NXF3: variants seen among roughly 807,000 people sequenced by gnomAD.
NXF3 encodes TAP-like protein 3.
Under a neutral mutation model 48.4 loss-of-function variants are expected in NXF3, and 34 were observed. The observed-to-expected ratio is 0.70, with a 90% CI of 0.53 to 0.93. The LOEUF is 0.93. NXF3 is among the 40% of genes least tolerant of loss of function. The pLI is 0.00. For missense variants in NXF3, 359 were observed against 406.1 expected, an observed-to-expected ratio of 0.88 and a Z score of 1.00; for synonymous variants, 132 against 145.7, an observed-to-expected ratio of 0.91 and a Z score of 0.68.
intron 1 of NXF3, among the ~76,000 whole-genome samples, chrX:103,090,262 G>A (rs1240864592): frequency 4.5e-5 from 5 of 111,696 alleles, no homozygotes. Context: ...GCAATGACTA[G>A]GTCTAGTTTT....
rs1243843841 is a variant in NXF3 at position 103,088,152 on chromosome X, A to G, written c.29-3269T>C. On this transcript the variant is annotated intron_variant, in intron 1 of 19. Transcript: ENST00000395065. ...GTGTTTTCCTGCTAGAGGTGGCAAA[A>G]TTCCAAGCAGGTTCAAAAGAAGCTA... is the stretch of plus-strand genomic sequence containing the variant. 3 of 1,023,263 alleles carry G rather than the reference A, an allele frequency of 2.9e-6. No homozygotes were observed. The African/African-American group carries it at 5.6e-5, about 19-fold the overall frequency. 84.3% of individuals were successfully genotyped at this position (1,023,263 alleles called of 1,213,427 possible).
chrX:103,079,185 T>G (rs1921945123), intron 16 of NXF3, 36 bp downstream of exon 16: 1 of 1,177,850 alleles, frequency 8.5e-7, no homozygotes, highest in African/African-American at 1.8e-5. Context: ...GAGGGAGGAG[T>G]GGGGGATCTG....
chrX:103,088,876 C>T, intron 1 of NXF3: 1 of 1,187,887 alleles, frequency 8.4e-7, no homozygotes, highest in Admixed American at 2.2e-5. Context: ...TATAATGATT[C>T]CCAACAATGT....
At chrX:103,088,465 T>C in intron 1 of NXF3, 2 of 895,449 alleles carry the variant, frequency 2.2e-6, no homozygotes, top group Non-Finnish European at 3.2e-6. Flanking sequence ...AAATGAAAGG[T>C]ATCCTTACTA....
Position 103,076,311 on chromosome X carries a change from AG to A in NXF3, c.1585-11del, listed in dbSNP as rs1464849223. 2.5e-6 allele frequency: 3 copies of A among 1,208,373 alleles called. No homozygotes were observed. The African/African-American group carries it at 5.3e-5, about 21-fold the overall frequency. ...GTTGTTACGAAGGCAGCTGTGGTGG[AG>A]GAAGGACAGGTAACATCCATTAGGA... On this transcript the variant is annotated splice_polypyrimidine_tract_variant and intron_variant, in intron 18 of 19. Transcript: ENST00000395065.
At chrX:103,084,269 T>C in intron 3 of NXF3, 73 bp downstream of exon 3, 2 of 1,121,921 alleles carry the variant, frequency 1.8e-6, no homozygotes, top group Non-Finnish European at 2.4e-6. Flanking sequence ...AAGTATCTAG[T>C]GTCCACACAA....
chrX:103,076,365 A>G, intron 18 of NXF3, 64 bp from the exon 19 acceptor site: 1 of 1,075,789 alleles, frequency 9.3e-7, no homozygotes, highest in South Asian at 1.9e-5. Context: ...TGACAATACA[A>G]TGCCATTTCT....
At chrX:103,089,720 G>T (rs952953755) in intron 1 of NXF3, among the ~76,000 whole-genome samples, 1 of 111,787 alleles carries the variant, frequency 8.9e-6, no homozygotes, top group Non-Finnish European at 1.9e-5. Context: ...CATTTCATAT[G>T]AAAGCATAAT....
chrX:103,082,217 G>T, intron 9 of NXF3, 38 bp downstream of exon 9: 1 of 987,065 alleles, frequency 1.0e-6, no homozygotes, highest in Non-Finnish European at 1.4e-6. Flanking sequence ...ATCAAACACA[G>T]GTCAGGGTCC....
intron 1 of NXF3, chrX:103,088,092 T>A: frequency 1.1e-6 from 1 of 922,734 alleles, no homozygotes; most frequent in Admixed American, 2.4e-5. Context: ...AGTGTGAAAA[T>A]GTTTTGAATC....
intron 1 of NXF3, chrX:103,087,667 T>A (rs1922186270): frequency 9.9e-7 from 1 of 1,006,624 alleles, no homozygotes; most frequent in East Asian, 3.1e-5. Flanking sequence ...GAAGAAAGAA[T>A]ATTCATGCAT....
At position 103,084,886 on chromosome X, in the gene NXF3, T is replaced by C; in HGVS notation, c.29-3A>G. On this transcript the variant is annotated splice_polypyrimidine_tract_variant and splice_region_variant and intron_variant, in intron 1 of 19. Coordinates refer to ENST00000395065, the MANE Select transcript of NXF3 (RefSeq NM_022052.2). ...TTGAACAACTTGATCAGTGTGACCT[T>C]AAATTAAGAACAGCACATCAACACT... is the stretch of plus-strand genomic sequence containing the variant. The C allele has an allele frequency of 1.7e-6, 2 of 1,205,222 alleles. No individual in the cohort carries two copies. Among genetic ancestry groups the C allele is most frequent in the Non-Finnish European group, 2.2e-6 (2 of 889,966 alleles).
intron 1 of NXF3, among the ~76,000 whole-genome samples, chrX:103,091,337 C>T (rs1002586876): frequency 8.9e-6 from 1 of 111,936 alleles, no homozygotes; most frequent in Non-Finnish European, 1.9e-5. Context: ...TCCGTATCCA[C>T]GGACTCTGCC....
chrX:103,088,125 A>G, intron 1 of NXF3: 1 of 948,236 alleles, frequency 1.1e-6, no homozygotes, highest in Non-Finnish European at 1.5e-6. Context: ...CAATGAACAC[A>G]TGTGTTTTCC....
At chrX:103,088,765 A>G (rs956652993) in intron 1 of NXF3, 5 of 1,109,826 alleles carry the variant, frequency 4.5e-6, no homozygotes, top group African/African-American at 3.7e-5. Context: ...TTAAAAAGAC[A>G]TGAACAGATT....
intron 9 of NXF3, chrX:103,080,912 G>T: frequency 2.9e-6 from 1 of 339,942 alleles, no homozygotes; most frequent in Non-Finnish European, 5.2e-6. Context: ...TGCCTGTCCT[G>T]GCCCTGGCCA....
intron 1 of NXF3, among the ~76,000 whole-genome samples, chrX:103,092,606 A>G (rs1447307339): frequency 8.9e-6 from 1 of 112,662 alleles, no homozygotes; most frequent in Non-Finnish European, 1.9e-5. Context: ...TGCACAGAAA[A>G]CCTTCACATG....
At chrX:103,089,178 G>T (rs749730666) in intron 1 of NXF3, 1 of 714,912 alleles carries the variant, frequency 1.4e-6, no homozygotes, top group African/African-American at 2.1e-5. Context: ...CTCAGTTTGT[G>T]GCAAAACATT....
chrX:103,079,555 C>T, intron 14 of NXF3, 29 bp downstream of exon 14: 1 of 1,202,366 alleles, frequency 8.3e-7, no homozygotes, highest in Non-Finnish European at 1.1e-6. Context: ...CCCCCTTACC[C>T]TGCCCAGACT....
Sources: allele counts gnomAD v4.1 joint callset (sites outside exome capture counted in the v4.1 genomes callset), GRCh38; gene constraint gnomAD v4.1.1; transcripts MANE v1.5; gene names NCBI Gene and HGNC (gene_info 2026-07-23, HGNC 2026-07-21).